KLHL14: variants seen among roughly 807,000 people sequenced by gnomAD.
KLHL14 encodes the protein kelch like family member 14.
A neutral mutation model predicts 64.3 loss-of-function variants in KLHL14; 22 were observed. That is an observed-to-expected ratio of 0.34 (90% CI 0.24 to 0.49). The LOEUF (loss-of-function observed/expected upper bound fraction) is 0.49. Ranked by LOEUF, KLHL14 falls within the 20% of genes least tolerant of loss-of-function variation. KLHL14 has a pLI of 0.99. For missense variants in KLHL14, 661 were observed against 789.0 expected, an observed-to-expected ratio of 0.84 and a Z score of 1.94; for synonymous variants, 322 against 333.4, an observed-to-expected ratio of 0.97 and a Z score of 0.37.
At chr18:32,756,170 T>A (rs2050280390) in intron 2 of KLHL14, among the ~76,000 whole-genome samples, 2 of 152,206 alleles carry the variant, frequency 1.3e-5, no homozygotes, top group African/African-American at 4.8e-5. Context: ...TGATCCAATA[T>A]GACTGATGTC....
chr18:32,758,408 T>C (rs969794040), intron 2 of KLHL14, among the ~76,000 whole-genome samples: 1 of 152,234 alleles, frequency 6.6e-6, no homozygotes, highest in African/African-American at 2.4e-5. Context: ...AAGATGGTTA[T>C]AATGAAAAAG....
intron 3 of KLHL14, chr18:32,740,714 C>T (rs1311639584): frequency 6.6e-6 from 1 of 152,174 alleles, no homozygotes; most frequent in Non-Finnish European, 1.5e-5. Flanking sequence ...TTTAAGACAT[C>T]ACTAACTTAT....
chr18:32,760,617 G>A (rs1221665309), intron 2 of KLHL14, among the ~76,000 whole-genome samples: 1 of 152,144 alleles, frequency 6.6e-6, no homozygotes, highest in African/African-American at 2.4e-5. Context: ...GAGCTCTGAG[G>A]AAGTTCAGAG....
At chr18:32,694,155 T>C (rs145855382) in intron 4 of KLHL14, among the ~76,000 whole-genome samples, 132 of 152,340 alleles carry the variant, frequency 8.7e-4, no homozygotes, top group African/African-American at 2.8e-3. Context: ...TGCAGTAGGC[T>C]GAAGATGTTC....
intron 1 of KLHL14, chr18:32,772,211 G>A (rs886368290): frequency 1.0e-5 from 4 of 397,340 alleles, no homozygotes; most frequent in Admixed American, 2.7e-5. Flanking sequence ...GCCCTGCCTG[G>A]CGCCGGTCCT....
In KLHL14 at chr18:32,714,420, A is replaced by C. The variant is rs550632731; in HGVS notation, c.1070-18868T>G. Among the ~76,000 whole-genome samples, 5 of 152,324 alleles carry C rather than the reference A, an allele frequency of 3.3e-5. No individual in the cohort carries two copies. The South Asian group carries it at 1.0e-3, about 32-fold the overall frequency. On this transcript the variant is annotated intron_variant, in intron 3 of 8. Coordinates refer to ENST00000359358, the MANE Select transcript of KLHL14 (RefSeq NM_020805.3). ...ACTTCCTGATAGAACAAAGTATTAC[A>C]GTAGTAATATTAATTCTGGTACTAA... is the stretch of plus-strand genomic sequence containing the variant.
At position 32,683,701 on chromosome 18, in the gene KLHL14, T is replaced by TA. The variant is rs1451245976; in HGVS notation, c.1239-3103dup. 1.3e-5 allele frequency among the ~76,000 whole-genome samples: 2 copies of TA among 152,202 alleles called. No individual in the cohort carries two copies. Among genetic ancestry groups the TA allele is most frequent in the Non-Finnish European group, 2.9e-5 (2 of 68,036 alleles). ...AGATAAGTTTTAAAAAGATTAATAA[T>TA]AATGCGTACAAATATACTTTACACT... On this transcript the variant is annotated intron_variant, in intron 5 of 8. Coordinates refer to ENST00000359358, the MANE Select transcript of KLHL14 (RefSeq NM_020805.3). This position sits in a 1 kb window ranked among gnomAD's most constrained non-coding sequence, Gnocchi z 4.2.
At chr18:32,695,436 C>T (rs747821658) in intron 4 of KLHL14, 27 bp downstream of exon 4, 1 of 1,391,220 alleles carries the variant, frequency 7.2e-7, no homozygotes, top group Non-Finnish European at 1.0e-6. Flanking sequence ...TTGTTGAGCA[C>T]CTCCAATTAA....
intron 3 of KLHL14, among the ~76,000 whole-genome samples, chr18:32,732,652 C>T (rs951673581): frequency 3.3e-5 from 5 of 152,124 alleles, no homozygotes; most frequent in South Asian, 2.1e-4. Context: ...AACCTGAGGA[C>T]TAGAATGAGA....
chr18:32,753,361 T>C (rs1351875693), intron 2 of KLHL14, among the ~76,000 whole-genome samples: 1 of 152,164 alleles, frequency 6.6e-6, no homozygotes, highest in East Asian at 1.9e-4. Context: ...GCTTTACACA[T>C]TGCAATTTTG....
At chr18:32,677,451 C>G in intron 7 of KLHL14, 121 bp from the exon 8 acceptor site, 1 of 877,500 alleles carries the variant, frequency 1.1e-6, no homozygotes, top group South Asian at 2.0e-5. Context: ...TTTGAAGACA[C>G]AAATGCATAA....
Position 32,687,190 on chromosome 18 carries a change from A to G in KLHL14, c.1203T>C (p.Phe401=). 1 of 1,614,010 alleles carries G rather than the reference A, an allele frequency of 6.2e-7. No individual in the cohort carries two copies. The highest frequency in any genetic ancestry group is 8.5e-7 in the Non-Finnish European group (1 of 1,179,892). ...TNFVSRYDPR[F]NSWIQLPPMQ... ...TGGGTGGAAGTTGAATCCAGCTATT[A>G]AATCGAGGATCATATCGGCTGACAA... The change falls in exon 5 of 9, where the codon TTT becomes TTC. Residue 401 remains phenylalanine (F), a synonymous_variant. Transcript: ENST00000359358.
intron 2 of KLHL14, among the ~76,000 whole-genome samples, chr18:32,751,220 G>T (rs1035375918): frequency 6.6e-6 from 1 of 151,972 alleles, no homozygotes. Context: ...CTGCCCTAAG[G>T]AGAGCTGCTA....
chr18:32,682,518 G>A (rs1243230121), intron 5 of KLHL14, among the ~76,000 whole-genome samples: 1 of 152,184 alleles, frequency 6.6e-6, no homozygotes, highest in African/African-American at 2.4e-5. Context: ...TTTTGCACAT[G>A]TGCATTTTTT....
Position 32,769,958 on chromosome 18 carries a change from C to T in KLHL14, c.634G>A (p.Asp212Asn), listed in dbSNP as rs1298586737. 1.9e-6 allele frequency: 3 copies of T among 1,614,108 alleles called. No individual in the cohort carries two copies. In the African/African-American group the frequency reaches 4.0e-5, roughly 22 times the overall value. ...KKLANKYLVE[D>N]VLLLNFEEMR... ...TCCTCGAAGTTGAGCAGCAGCACAT[C>T]CTCCACCAGGTACTTGTTGGCCAGC... Residue 212 changes from aspartate (D) to asparagine (N), a missense_variant, in exon 2 of 9, where the codon GAT becomes AAT. Physicochemically the swap from Asp to Asn is conservative, Grantham distance 23. This residue lies in a region of KLHL14 where 331 missense variants were observed against 339.0 expected (regional missense o/e 0.98). Transcript: ENST00000359358.
intron 2 of KLHL14, among the ~76,000 whole-genome samples, chr18:32,750,281 A>G (rs183257393): frequency 3.9e-5 from 6 of 152,268 alleles, no homozygotes; most frequent in Non-Finnish European, 7.4e-5. Context: ...GGTTCATAGC[A>G]ATTTCTTTAC....
At chr18:32,708,432 C>G (rs1173645766) in intron 3 of KLHL14, among the ~76,000 whole-genome samples, 1 of 152,168 alleles carries the variant, frequency 6.6e-6, no homozygotes, top group African/African-American at 2.4e-5. Context: ...TCAAAAAAAT[C>G]TAGAGATAGG....
intron 2 of KLHL14, 72 bp downstream of exon 2, chr18:32,769,573 G>GGCC: frequency 8.4e-6 from 3 of 356,304 alleles, no homozygotes; most frequent in East Asian, 7.5e-5. Flanking sequence ...CCTCCTCCCT[G>GGCC]CCCCCTCCCC....
At chr18:32,689,763 G>A (rs2049897978) in intron 4 of KLHL14, among the ~76,000 whole-genome samples, 1 of 152,180 alleles carries the variant, frequency 6.6e-6, no homozygotes, top group African/African-American at 2.4e-5. Flanking sequence ...GAATATATAA[G>A]TTGCAGTGGA....
Sources: allele counts gnomAD v4.1 joint callset (sites outside exome capture counted in the v4.1 genomes callset), GRCh38; gene constraint gnomAD v4.1.1; regional missense constraint gnomAD v4.1.1; non-coding constraint Gnocchi (gnomAD v3.1); transcripts MANE v1.5; gene names NCBI Gene and HGNC (gene_info 2026-07-23, HGNC 2026-07-21).